The following GPR55 variants were observed in gnomAD, a reference collection of about 807,000 sequenced individuals.
The protein encoded by GPR55 is G-protein coupled receptor 55.
GPR55 carries 6 observed loss-of-function variants against 7.9 expected under a neutral mutation model. The observed-to-expected ratio is 0.76, with a 90% CI of 0.41 to 1.49. The LOEUF (loss-of-function observed/expected upper bound fraction) is 1.49, where lower values mean the gene tolerates loss of function less well. Among genes scored for constraint, GPR55 ranks in the 40% most tolerant of loss-of-function variants. The pLI, the probability that GPR55 is intolerant of heterozygous loss-of-function variation, is 0.01. For missense variants in GPR55, 376 were observed against 406.0 expected, an observed-to-expected ratio of 0.93 and a Z score of 0.63; for synonymous variants, 183 against 166.8, an observed-to-expected ratio of 1.10 and a Z score of -0.75.
At chr2:230,957,605 C>T (rs544987698) in intron 1 of GPR55, 13 of 462,462 alleles carry the variant, frequency 2.8e-5, no homozygotes, top group South Asian at 1.6e-4. Context: ...GGCCGCCGCT[C>T]CGGAGCCCGG....
chr2:230,941,576 T>C (rs1224566460), intron 1 of GPR55, among the ~76,000 whole-genome samples: 1 of 152,106 alleles, frequency 6.6e-6, no homozygotes, highest in Non-Finnish European at 1.5e-5. Flanking sequence ...GACTTTCCTA[T>C]TTGCGATGCC....
upstream of GPR55, among the ~76,000 whole-genome samples, chr2:230,929,220 C>G (rs554213653): frequency 1.3e-5 from 2 of 152,092 alleles, no homozygotes; most frequent in South Asian, 2.1e-4. Context: ...CTATACCACA[C>G]GAAGCCCGTT....
intron 1 of GPR55, among the ~76,000 whole-genome samples, chr2:230,952,435 G>A (rs577745177): frequency 1.3e-5 from 2 of 152,382 alleles, no homozygotes; most frequent in African/African-American, 4.8e-5. Flanking sequence ...GGCTAAGGAA[G>A]GCCACAGCCC....
At chr2:230,927,954 C>T (rs114872780), upstream of GPR55, among the ~76,000 whole-genome samples, 1,900 of 152,310 alleles carry the variant, frequency 0.012, 20 homozygotes, top group Middle Eastern at 0.078. Context: ...CCCAAGCCTG[C>T]CCCAGAGAGC....
chr2:230,953,155 G>A (rs1691430514), intron 1 of GPR55, among the ~76,000 whole-genome samples: 3 of 152,186 alleles, frequency 2.0e-5, no homozygotes, highest in Admixed American at 1.3e-4. Flanking sequence ...GGTGGAGGTG[G>A]TGGTTGTGTG....
intron 1 of GPR55, 56 bp from the exon 2 acceptor site, chr2:230,911,152 G>C (rs1690584596): frequency 1.7e-6 from 1 of 594,448 alleles, no homozygotes; most frequent in African/African-American, 1.9e-5. Context: ...TGCAACCACT[G>C]TTACTTTTTG....
chr2:230,907,455 G>A lies in GPR55; in HGVS notation c.*2548C>T, dbSNP rs1234587751. The A allele has an allele frequency of 4.6e-5, 7 of 152,222 alleles. No homozygotes were observed. The South Asian group carries it at 1.2e-3, about 27-fold the overall frequency. 9.4% of individuals were successfully genotyped at this position (152,222 alleles called of 1,614,324 possible). On this transcript the variant is annotated 3_prime_UTR_variant, in exon 2 of 2. Coordinates refer to ENST00000650999, the MANE Select transcript of GPR55 (RefSeq NM_005683.4). ...GGCCAGCTTGGGTTGCAGCTATGTG[G>A]GTCCAAACTCTCGGCCCTCCTGCCG...
At chr2:230,943,619 T>A (rs1691268772) in intron 1 of GPR55, among the ~76,000 whole-genome samples, 1 of 152,204 alleles carries the variant, frequency 6.6e-6, no homozygotes, top group South Asian at 2.1e-4. Context: ...CTAAATCTCA[T>A]GTTGAACTGT....
Position 230,922,028 on chromosome 2 carries a change from C to T in GPR55, c.-135+3140G>A, listed in dbSNP as rs1291957394. ...CTGAGAGTAGACAAAGCAAAGCAGC[C>T]TCGTCATGTGGAGGGCTCTCTGTCA... On this transcript the variant is annotated intron_variant, in intron 1 of 1. Coordinates refer to ENST00000650999, the MANE Select transcript of GPR55 (RefSeq NM_005683.4). Among the ~76,000 whole-genome samples the T allele has an allele frequency of 2.0e-5, 3 of 151,642 alleles. No homozygotes were observed. The East Asian group carries it at 5.8e-4, about 29-fold the overall frequency.
At chr2:230,920,874 A>G (rs543200238) in intron 1 of GPR55, among the ~76,000 whole-genome samples, 1 of 152,318 alleles carries the variant, frequency 6.6e-6, no homozygotes, top group South Asian at 2.1e-4. Flanking sequence ...ACAATTGTTA[A>G]TACTCCCTAT....
intron 1 of GPR55, among the ~76,000 whole-genome samples, chr2:230,936,575 T>C (rs1691135242): frequency 6.6e-6 from 1 of 152,204 alleles, no homozygotes; most frequent in Non-Finnish European, 1.5e-5. Flanking sequence ...TTACCCAGTC[T>C]TGGGTATGTG....
intron 1 of GPR55, among the ~76,000 whole-genome samples, chr2:230,949,845 T>A (rs978159845): frequency 2.0e-5 from 3 of 152,110 alleles, no homozygotes; most frequent in Non-Finnish European, 4.4e-5. Flanking sequence ...ATTTATTTTT[T>A]TTTTTTGAGA....
chr2:230,929,301 C>G (rs980460454), upstream of GPR55, among the ~76,000 whole-genome samples: 1 of 152,076 alleles, frequency 6.6e-6, no homozygotes, highest in Non-Finnish European at 1.5e-5. Flanking sequence ...CAGGAAGGTG[C>G]GTGCCCCCAA....
chr2:230,911,190 ACT>A, intron 1 of GPR55, 94 bp from the exon 2 acceptor site: 3 of 539,324 alleles, frequency 5.6e-6, no homozygotes. Flanking sequence ...TCGCTTTCTC[ACT>A]CTCTTTCTAC....
chr2:230,918,052 T>C (rs1690755139), intron 1 of GPR55, among the ~76,000 whole-genome samples: 1 of 152,016 alleles, frequency 6.6e-6, no homozygotes, highest in Non-Finnish European at 1.5e-5. Flanking sequence ...AACTTGAGCA[T>C]TTAGGGAAAA....
chr2:230,945,561 G>C (rs929400077), intron 1 of GPR55, among the ~76,000 whole-genome samples: 1 of 152,184 alleles, frequency 6.6e-6, no homozygotes, highest in African/African-American at 2.4e-5. Flanking sequence ...CGATATTACA[G>C]ATTCACTTTT....
At position 230,956,449 on chromosome 2, in the gene GPR55, T is replaced by C. The variant is rs147701559; in HGVS notation, c.-135+4326A>G. Among the ~76,000 whole-genome samples, 1,470 of 152,352 alleles carry C rather than the reference T, an allele frequency of 9.6e-3. 30 individuals are homozygous for C. The highest frequency in any genetic ancestry group is 0.033 in the African/African-American group (1,368 of 41,576). On this transcript the variant is annotated intron_variant, in intron 1 of 1. Coordinates refer to the GPR55 transcript ENST00000392039. The stretch of plus-strand genomic sequence containing the variant: ...TCCCAAAGTGTTGGGATTATAGGCA[T>C]GAGCCACCACTCCTGGCAATCTTTT...
intron 1 of GPR55, among the ~76,000 whole-genome samples, chr2:230,922,915 G>C (rs1329140045): frequency 6.6e-6 from 1 of 152,136 alleles, no homozygotes; most frequent in African/African-American, 2.4e-5. Context: ...TGTTGCCCAG[G>C]CTGGCCTCAA....
In GPR55 at chr2:230,910,057, G is replaced by A; in HGVS notation, c.906C>T (p.His302=). The change falls in exon 2 of 2, where the codon CAC becomes CAT. Residue 302 remains histidine, a synonymous_variant. Transcript: ENST00000650999. The surrounding 1 kb of genome is among the most constrained non-coding windows in gnomAD (Gnocchi z 5.4). ...IKEFRMNIRA[H]RPSRVQLVLQ... The stretch of plus-strand genomic sequence containing the variant: ...GGACCAGCTGGACCCTGGAAGGCCG[G>A]TGGGCCCTGATGTTCATGCGGAATT... 1 of 1,614,102 alleles carries A rather than the reference G, an allele frequency of 6.2e-7. No individual in the cohort carries two copies. Among genetic ancestry groups the A allele is most frequent in the Non-Finnish European group, 8.5e-7 (1 of 1,179,962 alleles).
Sources: allele counts gnomAD v4.1 joint callset (sites outside exome capture counted in the v4.1 genomes callset), GRCh38; gene constraint gnomAD v4.1.1; non-coding constraint Gnocchi (gnomAD v3.1); transcripts MANE v1.5; gene names NCBI Gene and HGNC (gene_info 2026-07-23, HGNC 2026-07-21).